The following DNAH11 variants were observed in gnomAD, a reference collection of about 807,000 sequenced individuals.
The protein encoded by DNAH11 is dynein axonemal heavy chain 11, also known as axonemal beta dynein heavy chain 11.
Under a neutral mutation model 526.0 loss-of-function variants are expected in DNAH11, and 442 were observed. The observed-to-expected ratio is 0.84, with a 90% confidence interval of 0.78 to 0.91. The LOEUF (loss-of-function observed/expected upper bound fraction) is 0.91. DNAH11 is among the 40% of genes least tolerant of loss of function. The pLI, the probability that DNAH11 is intolerant of heterozygous loss-of-function variation, is 0.00. For synonymous variants in DNAH11, 2,461 were observed against 1,935.9 expected, an observed-to-expected ratio of 1.27 and a Z score of -7.12; for missense variants, 6,989 against 5,448.7, an observed-to-expected ratio of 1.28 and a Z score of -8.90.
chr7:21,816,897 A>G (rs931925269), intron 64 of DNAH11, among the ~76,000 whole-genome samples, 195 bp downstream of exon 64: 2 of 152,292 alleles, frequency 1.3e-5, no homozygotes, highest in South Asian at 2.1e-4. Context: ...ATGGCACCCA[A>G]TTATCTGAAG....
intron 7 of DNAH11, among the ~76,000 whole-genome samples, chr7:21,571,322 C>A (rs1011656494): frequency 2.6e-5 from 4 of 152,136 alleles, no homozygotes; most frequent in East Asian, 3.9e-4. Context: ...ATTCTGTCAC[C>A]CCGGCTGAAG....
chr7:21,687,608 G>A (rs766740923), intron 34 of DNAH11, 81 bp downstream of exon 34: 37 of 1,472,718 alleles, frequency 2.5e-5, no homozygotes, highest in Non-Finnish European at 3.3e-5. Flanking sequence ...ACTGTCTATT[G>A]CTACCTCTCC....
chr7:21,901,090 A>C lies in DNAH11; in HGVS notation c.13387A>C (p.Lys4463Gln). 6.2e-7 allele frequency: 1 copy of C among 1,613,936 alleles called. No homozygotes were observed. Among genetic ancestry groups the C allele is most frequent in the Non-Finnish European group, 8.5e-7 (1 of 1,179,854 alleles). Reference protein sequence around the residue: ...LACPMPVIFAKATPVDRQETK... With the variant: ...LACPMPVIFAQATPVDRQETK... ...ATGCCCTATGCCGGTCATCTTTGCA[A>C]AAGCCACCCCCGTGGACAGACAAGA... is the stretch of plus-strand genomic sequence containing the variant. The change falls in exon 82 of 82, where the codon AAA becomes CAA. Residue 4463 changes from lysine (K) to glutamine (Q), a missense_variant. Lys to Gln is a moderately conservative substitution (Grantham distance 53). Coordinates refer to ENST00000409508, the MANE Select transcript of DNAH11 (RefSeq NM_001277115.2).
chr7:21,599,158 C>T (rs1290485676), intron 14 of DNAH11, among the ~76,000 whole-genome samples: 2 of 152,186 alleles, frequency 1.3e-5, no homozygotes, highest in East Asian at 3.9e-4. Context: ...GAGGAATTTC[C>T]ACACTGTCTT....
chr7:21,782,437 C>A (rs1045906683), intron 57 of DNAH11, among the ~76,000 whole-genome samples: 1 of 152,168 alleles, frequency 6.6e-6, no homozygotes. Context: ...ATTGTCGCAC[C>A]TTAGGGTAAA....
rs367758423 is a variant in DNAH11, at chr7:21,663,725, G to T, written c.5328+4694G>T. 3.4e-5 allele frequency among the ~76,000 whole-genome samples: 5 copies of T among 148,488 alleles called. No individual in the cohort carries two copies. The East Asian group carries it at 9.8e-4, about 29-fold the overall frequency. On this transcript the variant is annotated intron_variant, in intron 30 of 81. Transcript: ENST00000409508. ...CCTGGCTTATTTCAATTCACATAATGTCCTCCTGATTGTCATAAATGACAG... is the reference window on the plus strand; with the variant it reads ...CCTGGCTTATTTCAATTCACATAATTTCCTCCTGATTGTCATAAATGACAG...
At chr7:21,715,837 A>G (rs1176916400) in intron 42 of DNAH11, among the ~76,000 whole-genome samples, 1 of 148,412 alleles carries the variant, frequency 6.7e-6, no homozygotes. Context: ...GATCCCTAGT[A>G]GAGGTAATTT....
At position 21,787,475 on chromosome 7, in the gene DNAH11, TG is replaced by T; in HGVS notation, c.9817del (p.Glu3273AsnfsTer4). The T allele has an allele frequency of 6.2e-7, 1 of 1,613,848 alleles. No homozygotes were observed. Among genetic ancestry groups the T allele is most frequent in the Non-Finnish European group, 8.5e-7 (1 of 1,179,780 alleles). On this transcript the variant is annotated frameshift_variant, in exon 60 of 82. Coordinates refer to ENST00000409508, the MANE Select transcript of DNAH11 (RefSeq NM_001277115.2). LOFTEE classifies it high-confidence loss of function. ...CAGAGAACTGTCTAAAAGTGGTGAA[TG>T]AACACTATTTGAAAGACCCAGAGTT... ...IPENCLKVVN[E>X]HYLKDPEFNP... is the part of the protein sequence containing the mutation.
chr7:21,879,820 C>T (rs556365054), intron 74 of DNAH11, among the ~76,000 whole-genome samples: 111 of 152,192 alleles, frequency 7.3e-4, no homozygotes, highest in African/African-American at 2.6e-3. Flanking sequence ...CCCCGCGGCT[C>T]GTGCCTATAA....
intron 68 of DNAH11, among the ~76,000 whole-genome samples, chr7:21,857,215 C>T (rs1186157250): frequency 1.3e-5 from 2 of 152,164 alleles, no homozygotes; most frequent in Non-Finnish European, 2.9e-5. Flanking sequence ...GCACTATTTA[C>T]AGTGGCTTCC....
chr7:21,591,239 C>T lies in DNAH11; in HGVS notation c.2329C>T (p.Leu777Phe), dbSNP rs1163253626. Reference protein sequence around the residue: ...VQGYNKLKQTLLEVEYPLIED... With the variant: ...VQGYNKLKQTFLEVEYPLIED... ...AGGGTATAATAAACTCAAACAGACG[C>T]TCCTGGAAGTTGAATACCCTCTGAT... is the stretch of plus-strand genomic sequence containing the variant. The change falls in exon 14 of 82, where the codon CTC becomes TTC. Residue 777 changes from leucine to phenylalanine, a missense_variant. By Grantham distance (22) the Leu-to-Phe change is conservative (BLOSUM62 0). Transcript: ENST00000409508. The T allele has an allele frequency of 2.3e-5, 36 of 1,590,842 alleles. No individual in the cohort carries two copies. Among genetic ancestry groups the T allele is most frequent in the Non-Finnish European group, 3.1e-5 (36 of 1,168,266 alleles).
Position 21,892,432 on chromosome 7 carries a change from A to G in DNAH11, c.12515A>G (p.Asp4172Gly), listed in dbSNP as rs767913711. ...EEFMNPSLTE[D>G]ELMLAPGFAA... ...TTTCCTTTGTGGTTCAAGACTGAAG[A>G]TGAACTGATGCTGGCACCAGGTTTT... The change falls in exon 77 of 82, where the codon GAT becomes GGT. Residue 4172 changes from aspartate (D) to glycine (G), a missense_variant. Transcript: ENST00000409508. 1 of 1,609,740 alleles carries G rather than the reference A, an allele frequency of 6.2e-7. No individual in the cohort carries two copies. Among genetic ancestry groups the G allele is most frequent in the Non-Finnish European group, 8.5e-7 (1 of 1,176,626 alleles).
chr7:21,678,555 C>T (rs1238796422), intron 30 of DNAH11, among the ~76,000 whole-genome samples: 1 of 150,984 alleles, frequency 6.6e-6, no homozygotes, highest in African/African-American at 2.4e-5. Flanking sequence ...TGATTCCATA[C>T]AAATTTTAAG....
At chr7:21,866,387 G>C (rs1313847592) in intron 70 of DNAH11, 83 bp from the exon 71 acceptor site, 1 of 1,308,478 alleles carries the variant, frequency 7.6e-7, no homozygotes, top group East Asian at 2.3e-5. Flanking sequence ...TTTTACATAA[G>C]ATTAGATACA....
In DNAH11 at chr7:21,561,079, A is replaced by G. The variant is rs201934527; in HGVS notation, c.891A>G (p.Ala297=). The G allele has an allele frequency of 1.9e-4, 309 of 1,596,156 alleles. No homozygotes were observed. In the South Asian group the frequency reaches 3.3e-3, roughly 17 times the overall value. Residue 297 remains alanine, a synonymous_variant, in exon 5 of 82, where the codon GCA becomes GCG. Coordinates refer to ENST00000409508, the MANE Select transcript of DNAH11 (RefSeq NM_001277115.2). ...NLSCIYDQLQ[A]PVVLKMVKIL... is the part of the protein sequence containing the mutation. ...TTTTTCCTTTAACTTAGCTTCAGGC[A>G]CCTGTTGTCCTCAAAATGGTTAAGA...
At chr7:21,893,660 A>G (rs933460499) in intron 77 of DNAH11, among the ~76,000 whole-genome samples, 1 of 152,178 alleles carries the variant, frequency 6.6e-6, no homozygotes, top group Non-Finnish European at 1.5e-5. Flanking sequence ...GGAGCTGTCT[A>G]CATAGAATTA....
chr7:21,622,142 T>C (rs1168310345), intron 25 of DNAH11, among the ~76,000 whole-genome samples: 7 of 152,062 alleles, frequency 4.6e-5, no homozygotes, highest in African/African-American at 7.2e-5. Context: ...AAAATCAACG[T>C]ACAAAAATCA....
At chr7:21,652,391 GA>G (rs1268584322) in intron 28 of DNAH11, among the ~76,000 whole-genome samples, 12 of 152,196 alleles carry the variant, frequency 7.9e-5, no homozygotes, top group Admixed American at 2.6e-4. Flanking sequence ...AATTCAAAGG[GA>G]GTATGAGTTT....
intron 25 of DNAH11, among the ~76,000 whole-genome samples, chr7:21,623,876 T>G (rs1052159575): frequency 1.3e-5 from 2 of 151,516 alleles, no homozygotes; most frequent in African/African-American, 2.4e-5. Flanking sequence ...AATGACGAGT[T>G]AATGGGTGCA....
Sources: allele counts gnomAD v4.1 joint callset (sites outside exome capture counted in the v4.1 genomes callset), GRCh38; gene constraint gnomAD v4.1.1; transcripts MANE v1.5; gene names NCBI Gene and HGNC (gene_info 2026-07-23, HGNC 2026-07-21).